The following KIAA2012 variants were observed in gnomAD, a reference collection of about 807,000 sequenced individuals.
The protein encoded by KIAA2012 is uncharacterized protein KIAA2012.
Under a neutral mutation model 150.6 loss-of-function variants are expected in KIAA2012, and 125 were observed. The ratio of observed to expected loss-of-function variants is 0.83; its 90% CI spans 0.72 to 0.96. KIAA2012 has a LOEUF of 0.96. KIAA2012 is among the 40% of genes least tolerant of loss of function. The pLI is 0.00. For missense variants in KIAA2012, 1,219 were observed against 1,354.9 expected (o/e 0.90, Z 1.57); for synonymous variants, 462 against 504.7 (o/e 0.92, Z 1.13).
intron 2 of KIAA2012, among the ~76,000 whole-genome samples, chr2:202,084,936 C>T (rs1689528799): frequency 6.6e-6 from 1 of 152,124 alleles, no homozygotes; most frequent in Non-Finnish European, 1.5e-5. Flanking sequence ...CCAGTCTTTC[C>T]ATCATGACTA....
At chr2:202,179,226 G>C (rs1245586967) in intron 15 of KIAA2012, 3 of 684,628 alleles carry the variant, frequency 4.4e-6, no homozygotes, top group South Asian at 2.9e-5. Context: ...ATTTTCTAGG[G>C]AACAATTTGG....
chr2:202,168,805 G>GGGTC (rs2105726372), intron 15 of KIAA2012, among the ~76,000 whole-genome samples: 2 of 152,276 alleles, frequency 1.3e-5, no homozygotes, highest in African/African-American at 4.8e-5. Flanking sequence ...GAGGTGCAGG[G>GGGTC]GGTCCTTAAG....
chr2:202,128,221 T>C (rs1559213864), intron 12 of KIAA2012, among the ~76,000 whole-genome samples: 1 of 152,198 alleles, frequency 6.6e-6, no homozygotes, highest in Non-Finnish European at 1.5e-5. Flanking sequence ...ACTCACTGCA[T>C]TGTCCACTGA....
In KIAA2012 at chr2:202,100,287, T is replaced by G; in HGVS notation, c.1013-20T>G. The G allele has an allele frequency of 6.5e-7, 1 of 1,547,624 alleles. No homozygotes were observed. Among genetic ancestry groups the G allele is most frequent in the Non-Finnish European group, 8.7e-7 (1 of 1,145,174 alleles). On this transcript the variant is annotated intron_variant, in intron 6 of 23. Coordinates refer to ENST00000498697, the MANE Select transcript of KIAA2012 (RefSeq NM_001277372.4). ...CCTACCTGCAATTAATATATTCTCATTCTCATCCTGTTTTTAAAGATAAAC... is the reference window on the plus strand; with the variant it reads ...CCTACCTGCAATTAATATATTCTCAGTCTCATCCTGTTTTTAAAGATAAAC...
intron 2 of KIAA2012, among the ~76,000 whole-genome samples, chr2:202,076,567 A>ATATT: frequency 6.6e-6 from 1 of 152,174 alleles, no homozygotes; most frequent in Non-Finnish European, 1.5e-5. Flanking sequence ...ATTATAGCTA[A>ATATT]ATATTATTTT....
chr2:202,101,495 C>A (rs375153974), intron 7 of KIAA2012, among the ~76,000 whole-genome samples: 2 of 152,198 alleles, frequency 1.3e-5, no homozygotes, highest in East Asian at 3.9e-4. Context: ...TGAGCCAGGC[C>A]CAGAGGAAAG....
At chr2:202,113,205 G>T (rs373766907) in intron 10 of KIAA2012, 131 bp from the exon 11 acceptor site, 103 of 641,974 alleles carry the variant, frequency 1.6e-4, no homozygotes, top group East Asian at 1.0e-3. Flanking sequence ...CCTATACTCT[G>T]GTGGGCACCC....
intron 18 of KIAA2012, among the ~76,000 whole-genome samples, chr2:202,189,847 T>C (rs1026937414): frequency 3.3e-5 from 5 of 151,960 alleles, no homozygotes; most frequent in African/African-American, 1.2e-4. Flanking sequence ...ATCCCATCAC[T>C]TTGGGAGGCT....
At chr2:202,089,631 T>C (rs1689666182) in intron 2 of KIAA2012, among the ~76,000 whole-genome samples, 1 of 152,242 alleles carries the variant, frequency 6.6e-6, no homozygotes, top group Non-Finnish European at 1.5e-5. Flanking sequence ...ATGCCAGTTC[T>C]CACTGGAACA....
chr2:202,126,765 T>C (rs1690800960), intron 12 of KIAA2012, among the ~76,000 whole-genome samples: 1 of 152,138 alleles, frequency 6.6e-6, no homozygotes, highest in South Asian at 2.1e-4. Context: ...TAAATCCTAT[T>C]ATTATCTTCA....
intron 14 of KIAA2012, among the ~76,000 whole-genome samples, chr2:202,164,026 T>C (rs1001954563): frequency 3.3e-5 from 5 of 152,138 alleles, no homozygotes; most frequent in African/African-American, 1.2e-4. Context: ...TAGTTGTCTC[T>C]TCTCAAAGCA....
intron 21 of KIAA2012, among the ~76,000 whole-genome samples, chr2:202,196,307 G>A (rs1692413797): frequency 6.9e-6 from 1 of 144,256 alleles, no homozygotes; most frequent in South Asian, 2.2e-4. Flanking sequence ...CCATTCTCCT[G>A]CCTCAGCCTC....
intron 15 of KIAA2012, among the ~76,000 whole-genome samples, chr2:202,183,350 G>A (rs1211847583): frequency 3.3e-5 from 5 of 150,830 alleles, no homozygotes; most frequent in African/African-American, 1.2e-4. Flanking sequence ...AGCCCAAGAA[G>A]CTGAGGTTGC....
intron 12 of KIAA2012, among the ~76,000 whole-genome samples, chr2:202,126,399 G>A (rs924318020): frequency 2.0e-5 from 3 of 152,200 alleles, no homozygotes; most frequent in African/African-American, 7.2e-5. Context: ...GCAAAACTAA[G>A]AGAAAAGTCA....
chr2:202,105,280 G>GGGAAGGAAGGGAA (rs1464363838), intron 8 of KIAA2012, among the ~76,000 whole-genome samples: 1 of 151,302 alleles, frequency 6.6e-6, no homozygotes, highest in Non-Finnish European at 1.5e-5. Context: ...AGGGAAGGAA[G>GGGAAGGAAGGGAA]GGAAGGAAGG....
At chr2:202,124,995 T>C (rs777924939) in intron 11 of KIAA2012, among the ~76,000 whole-genome samples, 11 of 152,172 alleles carry the variant, frequency 7.2e-5, no homozygotes, top group Admixed American at 1.3e-4. Flanking sequence ...GCTTGAACCC[T>C]GTAGGCAGAG....
At position 202,097,384 on chromosome 2, in the gene KIAA2012, C is replaced by T. The variant is rs1689913043; in HGVS notation, c.686-51C>T. On this transcript the variant is annotated intron_variant, in intron 4 of 23. Coordinates refer to ENST00000498697, the MANE Select transcript of KIAA2012 (RefSeq NM_001277372.4). ...GGAGGCAGTTTGGAGGCAGCAAGAACACCACGTCCATTTCCAGGGTGACAA... is the reference window on the plus strand; with the variant it reads ...GGAGGCAGTTTGGAGGCAGCAAGAATACCACGTCCATTTCCAGGGTGACAA... The T allele has an allele frequency of 5.8e-6, 9 of 1,545,160 alleles. No individual in the cohort carries two copies. The South Asian group carries it at 1.1e-4, about 18-fold the overall frequency.
chr2:202,121,305 A>G (rs1264150768), intron 11 of KIAA2012, among the ~76,000 whole-genome samples: 2 of 152,254 alleles, frequency 1.3e-5, no homozygotes, highest in Non-Finnish European at 2.9e-5. Flanking sequence ...GTTTTACATC[A>G]GCTTACCTTG....
At chr2:202,106,107 T>A (rs925420390) in intron 9 of KIAA2012, 197 bp downstream of exon 9, 3 of 1,449,132 alleles carry the variant, frequency 2.1e-6, no homozygotes, top group African/African-American at 2.8e-5. Flanking sequence ...AGTGTCCAGC[T>A]CACCAGTTAC....
Sources: allele counts gnomAD v4.1 joint callset (sites outside exome capture counted in the v4.1 genomes callset), GRCh38; gene constraint gnomAD v4.1.1; transcripts MANE v1.5; gene names NCBI Gene and HGNC (gene_info 2026-07-23, HGNC 2026-07-21).